Variants in BCCIP observed in about 807,000 individuals in gnomAD.
BCCIP encodes the protein BRCA2 and CDKN1A-interacting protein.
Under a neutral mutation model 32.8 loss-of-function variants are expected in BCCIP, and 23 were observed. The ratio of observed to expected loss-of-function variants is 0.70; its 90% CI spans 0.51 to 0.99. The LOEUF is 0.99. BCCIP is among the 50% of genes least tolerant of loss of function. The pLI, the probability that BCCIP is intolerant of heterozygous loss-of-function variation, is 0.00. For synonymous variants in BCCIP, 144 were observed against 137.6 expected (o/e 1.05, Z -0.33); for missense variants, 378 against 379.8 (o/e 1.00, Z 0.04).
At chr10:125,825,148 C>T (rs191899795) in intron 1 of BCCIP, among the ~76,000 whole-genome samples, 1 of 152,372 alleles carries the variant, frequency 6.6e-6, no homozygotes, top group South Asian at 2.1e-4. Flanking sequence ...TATCACACCA[C>T]CACAGTCTTA....
At chr10:125,849,781 T>C (rs1008501756) in intron 7 of BCCIP, among the ~76,000 whole-genome samples, 1 of 152,226 alleles carries the variant, frequency 6.6e-6, no homozygotes, top group Non-Finnish European at 1.5e-5. Context: ...AAAGATCATT[T>C]TGTAAATTCC....
chr10:125,826,671 G>A lies in BCCIP; in HGVS notation c.240+6G>A. The A allele has an allele frequency of 6.2e-7, 1 of 1,612,772 alleles. No individual in the cohort carries two copies. The highest frequency in any genetic ancestry group is 8.5e-7 in the Non-Finnish European group (1 of 1,179,442). ...TTAAGAAATTACTGCAGCAGGTATT[G>A]TCTTTTATTTATTATGCATAAATTT... On this transcript the variant is annotated splice_donor_region_variant and intron_variant, in intron 2 of 6. Transcript: ENST00000278100.
At chr10:125,844,191 G>A (rs899803896), downstream of BCCIP, among the ~76,000 whole-genome samples, 1 of 152,202 alleles carries the variant, frequency 6.6e-6, no homozygotes, top group Non-Finnish European at 1.5e-5. Flanking sequence ...AGTAACAGCC[G>A]ATCTGCTGGA....
intron 7 of BCCIP, chr10:125,852,234 T>C: frequency 1.3e-6 from 2 of 1,587,062 alleles, no homozygotes; most frequent in Non-Finnish European, 1.7e-6. Flanking sequence ...GGACAGAGAA[T>C]GGGCAGGAGA....
At chr10:125,852,669 G>T in intron 7 of BCCIP, 1 of 1,578,664 alleles carries the variant, frequency 6.3e-7, no homozygotes. Context: ...AGCATCATTA[G>T]CGTCAGATAA....
chr10:125,842,859 T>C (rs1854919366), downstream of BCCIP: 1 of 793,104 alleles, frequency 1.3e-6, no homozygotes, highest in African/African-American at 1.9e-5. Flanking sequence ...GATAATGATG[T>C]GGTATTATAT....
intron 7 of BCCIP, among the ~76,000 whole-genome samples, chr10:125,848,214 A>G (rs776593216): frequency 7.2e-5 from 11 of 152,180 alleles, no homozygotes; most frequent in Non-Finnish European, 1.0e-4. Flanking sequence ...TACAATGTCT[A>G]GGGCCTCTGG....
At chr10:125,839,542 T>C (rs935713760), downstream of BCCIP, among the ~76,000 whole-genome samples, 2 of 152,254 alleles carry the variant, frequency 1.3e-5, no homozygotes, top group Admixed American at 6.5e-5. Context: ...GTTGTGTCTC[T>C]ATGCATACAG....
downstream of BCCIP, chr10:125,838,502 G>A (rs1181449471): frequency 9.3e-6 from 9 of 970,996 alleles, no homozygotes; most frequent in African/African-American, 1.0e-4. Context: ...TAAAACTAAC[G>A]TTTGCCACTC....
chr10:125,836,128 T>C lies in BCCIP; in HGVS notation c.799T>C (p.Ser267Pro). 6.2e-7 allele frequency: 1 copy of C among 1,613,802 alleles called. No homozygotes were observed. Among genetic ancestry groups the C allele is most frequent in the Non-Finnish European group, 8.5e-7 (1 of 1,179,746 alleles). The stretch of plus-strand genomic sequence containing the variant: ...GAAGGCAATTCTCAAGTTCAACTAC[T>C]CAGTGCAGGAGGAGAGCGACACTTG... ...YEKAILKFNY[S>P]VQEESDTCLG... The change falls in exon 7 of 7, where the codon TCA becomes CCA. Residue 267 changes from serine (S) to proline (P), a missense_variant. Physicochemically the swap from Ser to Pro is moderately conservative, Grantham distance 74. Coordinates refer to ENST00000278100, the MANE Select transcript of BCCIP (RefSeq NM_078468.3).
intron 7 of BCCIP, chr10:125,853,058 T>C: frequency 1.7e-6 from 2 of 1,173,492 alleles, no homozygotes; most frequent in Non-Finnish European, 2.5e-6. Flanking sequence ...CAACACATAC[T>C]GAGAGTTCCA....
intron 2 of BCCIP, among the ~76,000 whole-genome samples, chr10:125,827,116 A>C (rs1481278780): frequency 6.6e-6 from 1 of 151,428 alleles, no homozygotes; most frequent in Non-Finnish European, 1.5e-5. Context: ...TCATCTGCTA[A>C]TTAGAGTTAT....
In BCCIP at chr10:125,835,099, C is replaced by G. The variant is rs528804354; in HGVS notation, c.775-1005C>G. ...AGTGAGCCGAGATTGCGCCACTGCA[C>G]TCCAGCCTGGGCGACAGAGCGAGAC... On this transcript the variant is annotated intron_variant, in intron 6 of 6. Transcript: ENST00000278100. Among the ~76,000 whole-genome samples, 34 of 151,814 alleles carry G rather than the reference C, an allele frequency of 2.2e-4. 1 individual carries two copies. In the South Asian group the frequency reaches 5.6e-3, roughly 25 times the overall value.
At position 125,852,622 on chromosome 10, in the gene BCCIP, T is replaced by C. The variant is rs768262026; in HGVS notation, c.851-503T>C. 3.1e-6 allele frequency: 5 copies of C among 1,611,676 alleles called. No homozygotes were observed. The highest frequency in any genetic ancestry group is 3.4e-5 in the Admixed American group (2 of 59,364). On this transcript the variant is annotated intron_variant, in intron 7 of 7. Transcript: ENST00000368759. ...TGGGCTGCATGACGAGCGAGTTTGC[T>C]CTTATTCTCGGGTTGTACACCTTTA... is the stretch of plus-strand genomic sequence containing the variant.
At chr10:125,843,876 G>A (rs564343272), downstream of BCCIP, among the ~76,000 whole-genome samples, 6 of 152,336 alleles carry the variant, frequency 3.9e-5, no homozygotes, top group African/African-American at 1.4e-4. Context: ...GAAATCTGCA[G>A]GGAACCCAGA....
At chr10:125,844,942 A>T (rs1943992320), downstream of BCCIP, among the ~76,000 whole-genome samples, 1 of 152,224 alleles carries the variant, frequency 6.6e-6, no homozygotes, top group Admixed American at 6.5e-5. Context: ...AAGGGCTATC[A>T]TTACAGTATT....
At chr10:125,834,093 A>T in intron 6 of BCCIP, 147 bp downstream of exon 6, 2 of 825,514 alleles carry the variant, frequency 2.4e-6, no homozygotes, top group Non-Finnish European at 3.8e-6. Flanking sequence ...CCTAGCAGCT[A>T]ACATAGTGCC....
intron 7 of BCCIP, among the ~76,000 whole-genome samples, chr10:125,849,739 T>C (rs1944066842): frequency 1.3e-5 from 2 of 152,218 alleles, no homozygotes; most frequent in African/African-American, 4.8e-5. Flanking sequence ...GTAAATGTTA[T>C]ATATAGTATA....
At chr10:125,841,411 G>A, downstream of BCCIP, 1 of 1,599,540 alleles carries the variant, frequency 6.3e-7, no homozygotes, top group Non-Finnish European at 8.5e-7. Context: ...TAAAAAACAG[G>A]CACACAACAT....
Sources: allele counts gnomAD v4.1 joint callset (sites outside exome capture counted in the v4.1 genomes callset), GRCh38; gene constraint gnomAD v4.1.1; transcripts MANE v1.5; gene names NCBI Gene and HGNC (gene_info 2026-07-23, HGNC 2026-07-21).